The following AK5 variants were observed in gnomAD, a reference collection of about 807,000 sequenced individuals.
AK5 encodes adenylate kinase 5.
AK5 carries 27 observed loss-of-function variants against 69.5 expected under a neutral mutation model. That is an observed-to-expected ratio of 0.39 (90% CI 0.29 to 0.54). AK5 has a LOEUF of 0.54. Among genes scored for constraint, AK5 ranks in the 20% least tolerant of loss-of-function variants. The probability of loss-of-function intolerance (pLI) is 0.71; values close to 1 mark genes in which losing one functional copy is unlikely to be tolerated. For missense variants in AK5, 531 were observed against 700.4 expected, an observed-to-expected ratio of 0.76 and a Z score of 2.73; for synonymous variants, 260 against 244.4, an observed-to-expected ratio of 1.06 and a Z score of -0.60.
chr1:77,388,405 GA>G (rs1230552833), intron 6 of AK5, among the ~76,000 whole-genome samples: 1 of 152,214 alleles, frequency 6.6e-6, no homozygotes, highest in Admixed American at 6.5e-5. Context: ...GCTACATTTA[GA>G]GAACAAATTA....
chr1:77,353,949 C>T (rs1662355383), intron 6 of AK5, among the ~76,000 whole-genome samples: 1 of 152,170 alleles, frequency 6.6e-6, no homozygotes, highest in Admixed American at 6.5e-5. Flanking sequence ...GTACAAAAGG[C>T]TGCAGGAGGG....
At chr1:77,307,421 T>C (rs942090728) in intron 5 of AK5, among the ~76,000 whole-genome samples, 6 of 151,914 alleles carry the variant, frequency 3.9e-5, no homozygotes, top group African/African-American at 1.4e-4. Context: ...TTTTCCAGAA[T>C]TCCTCTTATT....
At chr1:77,493,144 T>C (rs1471057524) in intron 10 of AK5, among the ~76,000 whole-genome samples, 1 of 152,136 alleles carries the variant, frequency 6.6e-6, no homozygotes, top group Non-Finnish European at 1.5e-5. Flanking sequence ...TGTGAAAGTA[T>C]TTCCAGAAGA....
chr1:77,319,516 C>T (rs1660412972), intron 5 of AK5, among the ~76,000 whole-genome samples: 1 of 151,564 alleles, frequency 6.6e-6, no homozygotes, highest in Non-Finnish European at 1.5e-5. Context: ...TTCTTTTATG[C>T]CAGCACACAC....
At chr1:77,542,859 G>T (rs1659349262) in intron 13 of AK5, among the ~76,000 whole-genome samples, 1 of 149,788 alleles carries the variant, frequency 6.7e-6, no homozygotes, top group South Asian at 2.1e-4. Context: ...AGATGAAGAG[G>T]GCCTGGTAAC....
chr1:77,293,078 T>G (rs961429839), intron 2 of AK5, among the ~76,000 whole-genome samples: 1 of 152,184 alleles, frequency 6.6e-6, no homozygotes, highest in African/African-American at 2.4e-5. Flanking sequence ...TTTACATCTT[T>G]TAATCAAGTA....
chr1:77,481,672 G>T (rs1167101457), intron 8 of AK5, among the ~76,000 whole-genome samples: 1 of 152,206 alleles, frequency 6.6e-6, no homozygotes, highest in Non-Finnish European at 1.5e-5. Context: ...GAGGCAAGAG[G>T]CCAGCATAAA....
intron 10 of AK5, among the ~76,000 whole-genome samples, chr1:77,515,101 T>G (rs1167388169): frequency 6.6e-6 from 1 of 152,194 alleles, no homozygotes; most frequent in Non-Finnish European, 1.5e-5. Context: ...GTTGGCTGCT[T>G]CTTTAAGTGG....
intron 5 of AK5, among the ~76,000 whole-genome samples, chr1:77,338,247 G>A (rs1661472780): frequency 6.6e-6 from 1 of 152,158 alleles, no homozygotes; most frequent in Non-Finnish European, 1.5e-5. Context: ...ACAGGCATGA[G>A]CCAATGCACC....
intron 3 of AK5, among the ~76,000 whole-genome samples, chr1:77,295,477 C>T (rs951771785): frequency 6.6e-6 from 1 of 152,090 alleles, no homozygotes; most frequent in Non-Finnish European, 1.5e-5. Flanking sequence ...ATTTTTATGG[C>T]TTTATGGTAG....
intron 8 of AK5, among the ~76,000 whole-genome samples, chr1:77,446,445 T>C (rs1652759920): frequency 1.3e-5 from 2 of 152,320 alleles, no homozygotes; most frequent in South Asian, 4.1e-4. Flanking sequence ...TTAGAATTGC[T>C]TTTTCTATTT....
At chr1:77,419,729 T>C (rs1444798730) in intron 8 of AK5, among the ~76,000 whole-genome samples, 3 of 152,210 alleles carry the variant, frequency 2.0e-5, no homozygotes, top group African/African-American at 7.2e-5. Context: ...GTTCAACATA[T>C]TCTAAAAGGA....
chr1:77,529,460 G>A (rs989691532), intron 12 of AK5, among the ~76,000 whole-genome samples: 1 of 151,834 alleles, frequency 6.6e-6, no homozygotes, highest in Non-Finnish European at 1.5e-5. Flanking sequence ...CAGCAGCGGG[G>A]ATTACAGGTG....
intron 8 of AK5, among the ~76,000 whole-genome samples, chr1:77,464,757 C>T (rs1654039823): frequency 6.6e-6 from 1 of 152,118 alleles, no homozygotes; most frequent in Non-Finnish European, 1.5e-5. Flanking sequence ...CATTGCCACT[C>T]ATGTGGAGAA....
chr1:77,390,830 CAAAG>C (rs916335748), intron 6 of AK5, among the ~76,000 whole-genome samples: 3 of 151,906 alleles, frequency 2.0e-5, no homozygotes, highest in Admixed American at 2.0e-4. Flanking sequence ...GCTAAAGTAA[CAAAG>C]AAAGGCAGAG....
intron 10 of AK5, among the ~76,000 whole-genome samples, chr1:77,509,108 T>C (rs141561280): frequency 2.6e-5 from 4 of 152,294 alleles, no homozygotes; most frequent in East Asian, 3.9e-4. Flanking sequence ...GGTCCCCTAA[T>C]TGACTTTCTT....
chr1:77,329,410 A>G (rs1178296853), intron 5 of AK5, among the ~76,000 whole-genome samples: 1 of 152,110 alleles, frequency 6.6e-6, no homozygotes, highest in South Asian at 2.1e-4. Flanking sequence ...TTCTGGTTCA[A>G]TAAAGCAGAA....
chr1:77,504,749 C>A lies in AK5; in HGVS notation c.1148-13815C>A, dbSNP rs1656932196. ...GTCTCCTCCTCATCACTACTCCCTG[C>A]AAGGACTACCATAGGCATTTTTTAA... On this transcript the variant is annotated intron_variant, in intron 10 of 13. Coordinates refer to ENST00000354567, the MANE Select transcript of AK5 (RefSeq NM_174858.3). Among the ~76,000 whole-genome samples the A allele has an allele frequency of 3.3e-5, 5 of 152,162 alleles. No homozygotes were observed. In the South Asian group the frequency reaches 1.0e-3, roughly 32 times the overall value.
intron 8 of AK5, among the ~76,000 whole-genome samples, chr1:77,442,906 A>G (rs1652418001): frequency 6.6e-6 from 1 of 152,004 alleles, no homozygotes; most frequent in African/African-American, 2.4e-5. Flanking sequence ...CTTTGTGTAA[A>G]ATTGTGGGGT....
Sources: gnomAD v4.1 joint callset for allele counts (sites outside exome capture counted in the v4.1 genomes callset) on GRCh38, gnomAD v4.1.1 for gene constraint, MANE v1.5 for transcripts, NCBI Gene and HGNC (gene_info 2026-07-23, HGNC 2026-07-21) for gene names.